USP6: variants seen among roughly 807,000 people sequenced by gnomAD.
USP6 encodes the protein ubiquitin carboxyl-terminal hydrolase 6.
A neutral mutation model predicts 175.7 loss-of-function variants in USP6; 128 were observed. The observed-to-expected ratio is 0.73, with a 90% CI of 0.63 to 0.84. USP6 has a LOEUF of 0.84. Among genes scored for constraint, USP6 ranks in the 40% least tolerant of loss-of-function variants. The pLI is 0.00. For missense variants in USP6, 1,498 were observed against 1,760.3 expected, an observed-to-expected ratio of 0.85 and a Z score of 2.67; for synonymous variants, 562 against 630.6, an observed-to-expected ratio of 0.89 and a Z score of 1.63.
rs1469064078 is a variant in USP6 at position 5,132,277 on chromosome 17, C to T, written c.156-119C>T. 2.5e-6 allele frequency: 4 copies of T among 1,608,498 alleles called. No homozygotes were observed. Among genetic ancestry groups the T allele is most frequent in the Non-Finnish European group, 3.4e-6 (4 of 1,177,354 alleles). Reference sequence around the variant, plus strand: ...TTGTCCTCCCTTCCCTGTGCCTTCTCCCGGGCTGAGCCCTGAGCTGGATAG... The same window carrying T: ...TTGTCCTCCCTTCCCTGTGCCTTCTTCCGGGCTGAGCCCTGAGCTGGATAG... On this transcript the variant is annotated intron_variant, in intron 11 of 37. Coordinates refer to ENST00000574788, the MANE Select transcript of USP6 (RefSeq NM_001304284.2). The surrounding 1 kb of genome is among the most constrained non-coding windows in gnomAD (Gnocchi z 4.7).
At chr17:5,165,528 C>T (rs2074079335) in intron 33 of USP6, among the ~76,000 whole-genome samples, 1 of 152,076 alleles carries the variant, frequency 6.6e-6, no homozygotes, top group South Asian at 2.1e-4. Context: ...CTGCAGTGAG[C>T]TGTGATCTCG....
intron 17 of USP6, 126 bp downstream of exon 17, chr17:5,136,054 C>T (rs577798576): frequency 9.8e-6 from 15 of 1,523,142 alleles, no homozygotes; most frequent in South Asian, 1.2e-5. Context: ...GCATTTAGGA[C>T]GTCTCTGCTG....
intron 21 of USP6, among the ~76,000 whole-genome samples, chr17:5,138,573 G>A (rs962480530): frequency 1.3e-5 from 2 of 152,034 alleles, no homozygotes; most frequent in Non-Finnish European, 2.9e-5. Context: ...AAAGTTACTA[G>A]ATGAGCCAGA....
intron 7 of USP6, among the ~76,000 whole-genome samples, chr17:5,127,874 A>G (rs1318394991): frequency 6.6e-6 from 1 of 152,186 alleles, no homozygotes; most frequent in East Asian, 1.9e-4. Flanking sequence ...GATGACAAGA[A>G]CAACGTCTGC....
In USP6 at chr17:5,133,867, C is replaced by T. The variant is rs773945251; in HGVS notation, c.385-20C>T. On this transcript the variant is annotated intron_variant, in intron 14 of 37. Transcript: ENST00000574788. ...CCATCTGTTCTGAGGCTGCTTCCTC[C>T]TCTTGGCCCTGCCCTACAGATCATG... 5 of 1,612,470 alleles carry T rather than the reference C, an allele frequency of 3.1e-6. No homozygotes were observed. In the African/African-American group the frequency reaches 4.0e-5, roughly 13 times the overall value.
At position 5,138,292 on chromosome 17, in the gene USP6, T is replaced by TC. The variant is rs1399730887; in HGVS notation, c.1078+23dup. 6 of 1,612,522 alleles carry TC rather than the reference T, an allele frequency of 3.7e-6. No individual in the cohort carries two copies. In the African/African-American group the frequency reaches 4.0e-5, roughly 11 times the overall value. ...CCCCCAGGTGGGCTCCAGTGCCATG[T>TC]CCCCTCCCATGTCAGCCTCTGGGGC... On this transcript the variant is annotated intron_variant, in intron 21 of 37. Transcript: ENST00000574788.
At position 5,130,434 on chromosome 17, in the gene USP6, GA is replaced by G. The variant is rs775885953; in HGVS notation, c.68del (p.Asp23AlafsTer37). 1 of 1,614,096 alleles carries G rather than the reference GA, an allele frequency of 6.2e-7. No homozygotes were observed. Among genetic ancestry groups the G allele is most frequent in the African/African-American group, 1.3e-5 (1 of 75,000 alleles). On this transcript the variant is annotated frameshift_variant, in exon 10 of 38. Coordinates refer to ENST00000574788, the MANE Select transcript of USP6 (RefSeq NM_001304284.2). LOFTEE classifies it high-confidence loss of function. ...GCGGAAGGACATACTTATGAAGTAT[GA>G]CAAGGTACAGTTCGGTCTGCTCCTT... ...QERKDILMKY[D>X]KGHRAGLPED...
At chr17:5,133,673 C>T (rs2073154489) in intron 14 of USP6, 123 bp downstream of exon 14, 1 of 1,203,386 alleles carries the variant, frequency 8.3e-7, no homozygotes, top group Admixed American at 2.0e-5. Context: ...GATGCACATC[C>T]TGGGCATGGA....
chr17:5,159,929 A>C (rs911188987), intron 31 of USP6, among the ~76,000 whole-genome samples: 1 of 148,314 alleles, frequency 6.7e-6, no homozygotes, highest in Non-Finnish European at 1.5e-5. Context: ...ATGCTACTGC[A>C]CTCCAGCCTG....
chr17:5,152,739 G>A (rs868581174), intron 30 of USP6, among the ~76,000 whole-genome samples: 14 of 152,286 alleles, frequency 9.2e-5, no homozygotes, highest in Admixed American at 7.2e-4. Flanking sequence ...GCTCACACCC[G>A]TAATCTCAGC....
chr17:5,134,178 G>C (rs916520134), intron 15 of USP6, 182 bp downstream of exon 15: 3 of 643,434 alleles, frequency 4.7e-6, no homozygotes, highest in Admixed American at 5.6e-5. Context: ...CCCTGGGCCA[G>C]GCTGGAACAT....
intron 21 of USP6, chr17:5,138,927 C>A: frequency 1.6e-6 from 2 of 1,239,486 alleles, no homozygotes; most frequent in Non-Finnish European, 2.2e-6. Flanking sequence ...GGGTGACATC[C>A]AAGGCCCCTC....
In USP6 at chr17:5,133,969, T is replaced by A; in HGVS notation, c.467T>A (p.Val156Asp). Reference protein sequence around the residue: ...LDVRTTLRNHVFFRDRYGAKQ... With the variant: ...LDVRTTLRNHDFFRDRYGAKQ... ...GTGAGGACGACTCTCCGGAACCATG[T>A]CTTCTTTAGGGATCGATATGGAGCC... The change falls in exon 15 of 38, where the codon GTC (valine) becomes GAC (aspartate). Residue 156 changes from valine to aspartate, a missense_variant. Val to Asp is a radical substitution (Grantham distance 152). Coordinates refer to ENST00000574788, the MANE Select transcript of USP6 (RefSeq NM_001304284.2). The A allele has an allele frequency of 6.2e-7, 1 of 1,614,108 alleles. No homozygotes were observed. The highest frequency in any genetic ancestry group is 8.5e-7 in the Non-Finnish European group (1 of 1,180,002).
chr17:5,148,242 G>T (rs914720000), intron 29 of USP6, among the ~76,000 whole-genome samples: 1 of 152,112 alleles, frequency 6.6e-6, no homozygotes, highest in African/African-American at 2.4e-5. Flanking sequence ...CTTCAAAGGC[G>T]AACAGAAGGA....
chr17:5,148,685 C>G lies in USP6; in HGVS notation c.2561C>G (p.Thr854Arg). The change falls in exon 30 of 38, where the codon ACA becomes AGA. Residue 854 changes from threonine (T) to arginine (R), a missense_variant. This residue lies in a region of USP6 where 1,217 missense variants were observed against 1,500.8 expected (regional missense o/e 0.81). Transcript: ENST00000574788. ...CCATGTGGAACTGAGAAGAACTTCA[C>G]AAATGGAATGGTTAATGGTCACATG... ...VVPCGTEKNF[T>R]NGMVNGHMPS... 6.2e-7 allele frequency: 1 copy of G among 1,613,900 alleles called. No homozygotes were observed. The highest frequency in any genetic ancestry group is 8.5e-7 in the Non-Finnish European group (1 of 1,179,856).
intron 35 of USP6, 43 bp downstream of exon 35, chr17:5,169,098 T>C: frequency 6.6e-7 from 1 of 1,525,324 alleles, no homozygotes; most frequent in Non-Finnish European, 8.8e-7. Context: ...TTGGGACTCC[T>C]GTAGGCTACA....
At chr17:5,127,229 C>T (rs951104287) in intron 6 of USP6, among the ~76,000 whole-genome samples, 12 of 152,144 alleles carry the variant, frequency 7.9e-5, no homozygotes, top group South Asian at 4.1e-4. Context: ...CACTGGGCTC[C>T]GCCGCCCCTA....
chr17:5,118,959 G>A (rs540717293), intron 2 of USP6, among the ~76,000 whole-genome samples: 29 of 152,156 alleles, frequency 1.9e-4, no homozygotes, highest in Non-Finnish European at 4.3e-4. Flanking sequence ...AGAACCAATC[G>A]GGAGGGAGTA....
intron 30 of USP6, among the ~76,000 whole-genome samples, chr17:5,151,877 A>G (rs1220910776): frequency 1.3e-5 from 2 of 152,200 alleles, no homozygotes; most frequent in Non-Finnish European, 2.9e-5. Context: ...AGCCCTTGGA[A>G]GATAATAATG....
Sources: gnomAD v4.1 joint callset for allele counts (sites outside exome capture counted in the v4.1 genomes callset) on GRCh38, gnomAD v4.1.1 for gene constraint, gnomAD v4.1.1 regional missense constraint, Gnocchi (gnomAD v3.1) non-coding constraint, MANE v1.5 for transcripts, NCBI Gene and HGNC (gene_info 2026-07-23, HGNC 2026-07-21) for gene names.